Variants in ERCC4 observed in about 807,000 individuals in gnomAD.
ERCC4 encodes the protein DNA repair endonuclease XPF.
In ERCC4, 65 loss-of-function variants were observed where a neutral mutation model predicts 76.9. The ratio of observed to expected loss-of-function variants is 0.84; its 90% CI spans 0.69 to 1.04. ERCC4 has a LOEUF of 1.04. ERCC4 is among the 50% of genes least tolerant of loss of function. The probability of loss-of-function intolerance (pLI) is 0.00; values close to 1 mark genes in which losing one functional copy is unlikely to be tolerated. For missense variants in ERCC4, 1,214 were observed against 1,128.2 expected, an observed-to-expected ratio of 1.08 and a Z score of -1.09; for synonymous variants, 463 against 410.1, an observed-to-expected ratio of 1.13 and a Z score of -1.56.
rs1458824535 is a variant in ERCC4 at position 13,948,409 on chromosome 16, A to G, written c.*62A>G. The G allele has an allele frequency of 1.3e-6, 2 of 1,535,424 alleles. No homozygotes were observed. Among genetic ancestry groups the G allele is most frequent in the Non-Finnish European group, 1.8e-6 (2 of 1,121,560 alleles). On this transcript the variant is annotated 3_prime_UTR_variant, in exon 11 of 11. Coordinates refer to ENST00000311895, the MANE Select transcript of ERCC4 (RefSeq NM_005236.3). ...TTTCAGCGGCTCCTTGCCAGACATCATAGGTCATTATTAATTATTGGTTTG... is the reference window on the plus strand; with the variant it reads ...TTTCAGCGGCTCCTTGCCAGACATCGTAGGTCATTATTAATTATTGGTTTG...
At chr16:13,930,983 AACT>A (rs2032162280) in intron 5 of ERCC4, 93 bp downstream of exon 5, 5 of 817,566 alleles carry the variant, frequency 6.1e-6, no homozygotes, top group Admixed American at 1.9e-5. Flanking sequence ...TGCTATATTC[AACT>A]ATATGTTATA....
rs1369554410 is a variant in ERCC4 at position 13,950,445 on chromosome 16, A to G, written c.*2098A>G. On this transcript the variant is annotated 3_prime_UTR_variant, in exon 11 of 11. Coordinates refer to ENST00000311895, the MANE Select transcript of ERCC4 (RefSeq NM_005236.3). ...CTGTAAGATGATGTGGAGAGTAAGG[A>G]AAAGGAGAAGAAATAAAAATTAGTT... The G allele has an allele frequency of 5.3e-6, 1 of 188,908 alleles. No individual in the cohort carries two copies. The highest frequency in any genetic ancestry group is 1.1e-5 in the Non-Finnish European group (1 of 89,912). The allele number at this position is 188,908 out of a possible 1,614,324, so 11.7% of individuals were successfully genotyped here.
intron 7 of ERCC4, 104 bp from the exon 8 acceptor site, chr16:13,935,042 C>T (rs769430042): frequency 1.2e-4 from 110 of 890,488 alleles, no homozygotes; most frequent in Non-Finnish European, 2.0e-4. Context: ...TCTTTAATAC[C>T]AAAGGGTAAG....
chr16:13,946,558 A>G (rs993974879), intron 10 of ERCC4, among the ~76,000 whole-genome samples: 3 of 152,246 alleles, frequency 2.0e-5, no homozygotes, highest in Non-Finnish European at 4.4e-5. Context: ...ACATGACCGT[A>G]TTAATAGGTT....
At chr16:13,945,522 C>T (rs926479091) in intron 10 of ERCC4, among the ~76,000 whole-genome samples, 3 of 152,216 alleles carry the variant, frequency 2.0e-5, no homozygotes, top group Non-Finnish European at 4.4e-5. Flanking sequence ...GTTTAACCTT[C>T]GGTGAGGCCA....
At chr16:13,929,806 A>G (rs1394134365) in intron 4 of ERCC4, among the ~76,000 whole-genome samples, 1 of 152,198 alleles carries the variant, frequency 6.6e-6, no homozygotes, top group East Asian at 1.9e-4. Flanking sequence ...TCTACTAAAA[A>G]TACAAAAAAT....
At chr16:13,933,913 C>G in intron 6 of ERCC4, 1 of 342,426 alleles carries the variant, frequency 2.9e-6, no homozygotes, top group Non-Finnish European at 5.4e-6. Context: ...TATATAGTGT[C>G]ACAGAAACAA....
chr16:13,927,046 A>C (rs1274524558), intron 3 of ERCC4, among the ~76,000 whole-genome samples: 1 of 152,350 alleles, frequency 6.6e-6, no homozygotes, highest in East Asian at 1.9e-4. Flanking sequence ...GGAAACTCCC[A>C]GGGATCTAGA....
In ERCC4 at chr16:13,922,091, A is replaced by G; in HGVS notation, c.268A>G (p.Asn90Asp). The change falls in exon 2 of 11, where the codon AAT becomes GAT. Residue 90 changes from asparagine to aspartate, a missense_variant. Coordinates refer to ENST00000311895, the MANE Select transcript of ERCC4 (RefSeq NM_005236.3). Reference sequence around the variant, plus strand: ...TGAACACCTCCCTCGCCGTGTAACAAATGAAATCACAAGCAACAGTCGCTA... The same window carrying G: ...TGAACACCTCCCTCGCCGTGTAACAGATGAAATCACAAGCAACAGTCGCTA... ...GVEHLPRRVT[N>D]EITSNSRYEV... 1 of 1,613,870 alleles carries G rather than the reference A, an allele frequency of 6.2e-7. No individual in the cohort carries two copies. Among genetic ancestry groups the G allele is most frequent in the Non-Finnish European group, 8.5e-7 (1 of 1,179,812 alleles).
In ERCC4 at chr16:13,937,852, T is replaced by C; in HGVS notation, c.1898T>C (p.Leu633Pro). 6.2e-7 allele frequency: 1 copy of C among 1,605,120 alleles called. No homozygotes were observed. Among genetic ancestry groups the C allele is most frequent in the Non-Finnish European group, 8.5e-7 (1 of 1,171,938 alleles). Reference sequence around the variant, plus strand: ...AAAGAAAAGGAAGCTTTTGAAAAACTCATAAGGTAATACATAGAAAATCAG... The same window carrying C: ...AAAGAAAAGGAAGCTTTTGAAAAACCCATAAGGTAATACATAGAAAATCAG... ...LRKEKEAFEKLIREKASMVVP... is the reference protein window; with the variant it reads ...LRKEKEAFEKPIREKASMVVP... Residue 633 changes from leucine to proline, a missense_variant, in exon 9 of 11, where the codon CTC becomes CCC. Physicochemically the swap from Leu to Pro is moderately conservative, Grantham distance 98. Coordinates refer to ENST00000311895, the MANE Select transcript of ERCC4 (RefSeq NM_005236.3).
intron 4 of ERCC4, among the ~76,000 whole-genome samples, chr16:13,929,044 C>A (rs1171869908): frequency 6.6e-6 from 1 of 152,092 alleles, no homozygotes; most frequent in African/African-American, 2.4e-5. Context: ...TTTATATATT[C>A]TGTTCCTCTG....
chr16:13,937,662 T>A (rs1404969385), intron 8 of ERCC4, 104 bp from the exon 9 acceptor site: 1 of 757,432 alleles, frequency 1.3e-6, no homozygotes, highest in Non-Finnish European at 2.4e-6. Context: ...GTCAAATATT[T>A]GTTATTTGAG....
At chr16:13,934,764 A>T (rs780051278) in intron 7 of ERCC4, 1 of 232,466 alleles carries the variant, frequency 4.3e-6, no homozygotes, top group Admixed American at 5.1e-5. Context: ...AACTGAAGAC[A>T]TTGTCTAAAT....
chr16:13,948,455 G>A lies in ERCC4; in HGVS notation c.*108G>A. On this transcript the variant is annotated 3_prime_UTR_variant, in exon 11 of 11. Transcript: ENST00000311895. Reference sequence around the variant, plus strand: ...GTTTGCTATTTCATTCTTTTCCAATGCTCTTAATGATTGTACGGTGGACCA... The same window carrying A: ...GTTTGCTATTTCATTCTTTTCCAATACTCTTAATGATTGTACGGTGGACCA... 1 of 1,323,944 alleles carries A rather than the reference G, an allele frequency of 7.6e-7. No homozygotes were observed. The highest frequency in any genetic ancestry group is 1.2e-5 in the South Asian group (1 of 83,892). The allele number at this position is 1,323,944 out of a possible 1,614,324, so 82.0% of individuals were successfully genotyped here.
chr16:13,930,103 C>T (rs769086496), intron 4 of ERCC4, among the ~76,000 whole-genome samples: 27 of 152,110 alleles, frequency 1.8e-4, no homozygotes, highest in Non-Finnish European at 3.2e-4. Flanking sequence ...TTTGATAATT[C>T]TTATTTAATT....
chr16:13,932,022 C>T lies in ERCC4; in HGVS notation c.974-135C>T. On this transcript the variant is annotated intron_variant, in intron 5 of 10. Coordinates refer to ENST00000311895, the MANE Select transcript of ERCC4 (RefSeq NM_005236.3). ...GGTCCAGCTGAACAGCGACAGATCA[C>T]AGTAGTGGGAGGCGGTGTGGTTGGT... The T allele has an allele frequency of 1.1e-5, 9 of 804,328 alleles. No individual in the cohort carries two copies. The South Asian group carries it at 1.2e-4, about 11-fold the overall frequency. 49.8% of individuals were successfully genotyped at this position (804,328 alleles called of 1,614,324 possible).
At position 13,930,891 on chromosome 16, in the gene ERCC4, G is replaced by A. The variant is rs1349103884; in HGVS notation, c.973+1G>A. The A allele has an allele frequency of 6.2e-7, 1 of 1,600,140 alleles. No individual in the cohort carries two copies. The highest frequency in any genetic ancestry group is 1.3e-5 in the African/African-American group (1 of 74,620). On this transcript the variant is annotated splice_donor_variant, in intron 5 of 10. Transcript: ENST00000311895. LOFTEE classifies it high-confidence loss of function. ...GAAAAAGCTTTTGGTCAGAATTCAG[G>A]TGGGAGATTAAAATACTAATAATAT...
In ERCC4 at chr16:13,947,720, C is replaced by A. The variant is rs376391395; in HGVS notation, c.2124C>A (p.Pro708=). ...ATCGTCGGGGCATTGACATTGAACC[C>A]GTGACTTTAGAGGTTGGAGATTACA... ...LIHRRGIDIE[P]VTLEVGDYIL... Residue 708 remains proline, a synonymous_variant, in exon 11 of 11, where the codon CCC becomes CCA. Coordinates refer to ENST00000311895, the MANE Select transcript of ERCC4 (RefSeq NM_005236.3). The A allele has an allele frequency of 2.6e-5, 42 of 1,614,210 alleles. No homozygotes were observed. In the South Asian group the frequency reaches 3.5e-4, roughly 14 times the overall value.
intron 3 of ERCC4, chr16:13,927,325 A>C (rs1042735817): frequency 6.1e-6 from 1 of 162,838 alleles, no homozygotes; most frequent in Non-Finnish European, 1.3e-5. Flanking sequence ...TTGGGAGGCC[A>C]AGGCAGGCGG....
Sources: gnomAD v4.1 joint callset for allele counts (sites outside exome capture counted in the v4.1 genomes callset) on GRCh38, gnomAD v4.1.1 for gene constraint, MANE v1.5 for transcripts, NCBI Gene and HGNC (gene_info 2026-07-23, HGNC 2026-07-21) for gene names.